The following MCF2L2 variants were observed in gnomAD, a reference collection of about 807,000 sequenced individuals.
MCF2L2 encodes probable guanine nucleotide exchange factor MCF2L2.
MCF2L2 carries 102 observed loss-of-function variants against 150.2 expected under a neutral mutation model. The observed-to-expected ratio is 0.68, with a 90% CI of 0.58 to 0.80. The LOEUF is 0.80. Among genes scored for constraint, MCF2L2 ranks in the 30% least tolerant of loss-of-function variants. The pLI, the probability that MCF2L2 is intolerant of heterozygous loss-of-function variation, is 0.00. For synonymous variants in MCF2L2, 465 were observed against 491.3 expected (o/e 0.95, Z 0.71); for missense variants, 1,256 against 1,372.8 (o/e 0.91, Z 1.34).
chr3:183,279,953 C>T (rs778617889), intron 14 of MCF2L2, among the ~76,000 whole-genome samples: 7 of 151,656 alleles, frequency 4.6e-5, no homozygotes, highest in East Asian at 1.9e-4. Flanking sequence ...CACTTGAACC[C>T]GGAGGTGGAG....
intron 5 of MCF2L2, among the ~76,000 whole-genome samples, chr3:183,330,949 T>C (rs557025541): frequency 6.6e-6 from 1 of 152,230 alleles, no homozygotes; most frequent in African/African-American, 2.4e-5. Flanking sequence ...ATTTGTGGCC[T>C]CCATGACTAG....
chr3:183,420,287 G>A (rs1015684483), intron 1 of MCF2L2, among the ~76,000 whole-genome samples: 2 of 152,058 alleles, frequency 1.3e-5, no homozygotes, highest in Admixed American at 1.3e-4. Flanking sequence ...CTCTGTATTA[G>A]TCTGTTTCCA....
chr3:183,272,164 T>C, intron 15 of MCF2L2: 1 of 1,000,332 alleles, frequency 1.0e-6, no homozygotes, highest in South Asian at 4.7e-5. Context: ...GCATGTTCCT[T>C]GTAATCAAAG....
chr3:183,396,487 A>T (rs964557476), intron 1 of MCF2L2, among the ~76,000 whole-genome samples: 1 of 152,194 alleles, frequency 6.6e-6, no homozygotes, highest in African/African-American at 2.4e-5. Context: ...TCAAAGTTTG[A>T]ACTTGTTAAA....
At position 183,257,882 on chromosome 3, in the gene MCF2L2, T is replaced by G. The variant is rs531252631; in HGVS notation, c.1862+18990A>C. On this transcript the variant is annotated intron_variant, in intron 15 of 29. Transcript: ENST00000328913. ...ATTTCCCCACTCAAGCCACAACTTTTTCTCTTATGTGCTTAAAAAAAATTC... is the reference window on the plus strand; with the variant it reads ...ATTTCCCCACTCAAGCCACAACTTTGTCTCTTATGTGCTTAAAAAAAATTC... Among the ~76,000 whole-genome samples the G allele has an allele frequency of 3.3e-4, 50 of 152,144 alleles. 1 individual carries two copies. The highest frequency in any genetic ancestry group is 6.2e-4 in the Non-Finnish European group (42 of 67,994).
intron 2 of MCF2L2, among the ~76,000 whole-genome samples, chr3:183,387,264 CAAA>C (rs112807324): frequency 1.1e-4 from 9 of 84,400 alleles, no homozygotes; most frequent in Non-Finnish European, 7.8e-5. Context: ...CACCATGTCT[CAAA>C]AAAAAAAAAA....
intron 22 of MCF2L2, among the ~76,000 whole-genome samples, chr3:183,211,333 TAAGC>T (rs1722714846): frequency 6.6e-6 from 1 of 152,144 alleles, no homozygotes; most frequent in Admixed American, 6.5e-5. Context: ...AGCTTTCCAG[TAAGC>T]CCATTATTAC....
At chr3:183,217,021 G>A (rs981176031) in intron 21 of MCF2L2, among the ~76,000 whole-genome samples, 6 of 151,304 alleles carry the variant, frequency 4.0e-5, no homozygotes, top group African/African-American at 1.5e-4. Flanking sequence ...ATGGCCGGGC[G>A]GGTGGCTCAT....
intron 20 of MCF2L2, among the ~76,000 whole-genome samples, chr3:183,223,058 G>A (rs1723202207): frequency 1.3e-5 from 2 of 152,082 alleles, no homozygotes; most frequent in Non-Finnish European, 2.9e-5. Context: ...TCACACTCTC[G>A]CTCCCAAAGA....
intron 2 of MCF2L2, among the ~76,000 whole-genome samples, chr3:183,388,662 T>C (rs73062756): frequency 0.071 from 10,738 of 152,222 alleles, 1,253 homozygotes; most frequent in African/African-American, 0.24. Context: ...TCAGTGACTA[T>C]GTGCGCAGTG....
At chr3:183,180,036 G>T in intron 28 of MCF2L2, 35 bp downstream of exon 28, 1 of 1,505,310 alleles carries the variant, frequency 6.6e-7, no homozygotes, top group South Asian at 1.1e-5. Flanking sequence ...AGGAAGGAGG[G>T]AAGAAGATGA....
intron 15 of MCF2L2, among the ~76,000 whole-genome samples, chr3:183,251,760 G>A (rs1445967073): frequency 1.3e-5 from 2 of 151,762 alleles, no homozygotes; most frequent in Non-Finnish European, 2.9e-5. Context: ...TCTCTGGGTG[G>A]GACAGGAAGC....
chr3:183,295,250 T>C (rs751747160), intron 13 of MCF2L2, 50 bp downstream of exon 13: 4 of 1,543,530 alleles, frequency 2.6e-6, no homozygotes, highest in Non-Finnish European at 3.5e-6. Flanking sequence ...GTCCTCATGG[T>C]GCTGATGAAA....
At position 183,179,367 on chromosome 3, in the gene MCF2L2, G is replaced by C. The variant is rs1198756744; in HGVS notation, c.*13C>G. 1 of 1,441,248 alleles carries C rather than the reference G, an allele frequency of 6.9e-7. No individual in the cohort carries two copies. The highest frequency in any genetic ancestry group is 1.5e-5 in the African/African-American group (1 of 67,408). 89.3% of individuals were successfully genotyped at this position (1,441,248 alleles called of 1,614,324 possible). ...CGCTCTGGAGCCGAGGAGCGGGGGC[G>C]TCCGCAGGGAGGTCAGCTCTCCTGG... On this transcript the variant is annotated 3_prime_UTR_variant, in exon 30 of 30. Transcript: ENST00000328913. The surrounding 1 kb of genome is among the most constrained non-coding windows in gnomAD (Gnocchi z 4.2).
rs80324258 is a variant in MCF2L2 at position 183,328,520 on chromosome 3, GA to G, written c.487-5170del. ...AGACAGTTGGAGAACTGCTTGGTGTGAAAAAAAAAAAAAAGCAGCCTACACA... is the reference window on the plus strand; with the variant it reads ...AGACAGTTGGAGAACTGCTTGGTGTGAAAAAAAAAAAAAGCAGCCTACACA... On this transcript the variant is annotated intron_variant, in intron 5 of 29. Coordinates refer to ENST00000328913, the MANE Select transcript of MCF2L2 (RefSeq NM_015078.4). Among the ~76,000 whole-genome samples the G allele has an allele frequency of 2.8e-3, 379 of 135,928 alleles. 2 individuals carry two copies. Among genetic ancestry groups the G allele is most frequent in the Middle Eastern group, 0.015 (4 of 268 alleles). 89.2% of individuals were successfully genotyped at this position (135,928 alleles called of 152,430 possible).
chr3:183,318,043 C>T lies in MCF2L2; in HGVS notation c.753+25G>A, dbSNP rs751393793. ...CATACCTGCTGGCACAGACACTGGC[C>T]TCTGAGAGGTCACTGACCGCTCACC... On this transcript the variant is annotated intron_variant, in intron 7 of 29. Transcript: ENST00000328913. The T allele has an allele frequency of 1.9e-6, 3 of 1,610,310 alleles. No individual in the cohort carries two copies. The East Asian group carries it at 6.7e-5, about 36-fold the overall frequency.
chr3:183,314,133 A>AAAATAAGGTTTC (rs1553779428), intron 7 of MCF2L2, among the ~76,000 whole-genome samples: 1 of 152,188 alleles, frequency 6.6e-6, no homozygotes, highest in Non-Finnish European at 1.5e-5. Context: ...AATCACAGAG[A>AAAATAAGGTTTC]AAATAAGGTT....
At chr3:183,311,302 C>T (rs1415223769) in intron 8 of MCF2L2, among the ~76,000 whole-genome samples, 2 of 151,924 alleles carry the variant, frequency 1.3e-5, no homozygotes, top group Non-Finnish European at 2.9e-5. Flanking sequence ...ATCTTACCTT[C>T]ATGCCTTCTT....
intron 10 of MCF2L2, 87 bp from the exon 11 acceptor site, chr3:183,300,283 G>C: frequency 4.9e-6 from 6 of 1,218,648 alleles, no homozygotes; most frequent in Non-Finnish European, 6.7e-6. Flanking sequence ...TCCAAGCCTG[G>C]AGGGAGGCTG....
Sources: allele counts gnomAD v4.1 joint callset (sites outside exome capture counted in the v4.1 genomes callset), GRCh38; gene constraint gnomAD v4.1.1; non-coding constraint Gnocchi (gnomAD v3.1); transcripts MANE v1.5; gene names NCBI Gene and HGNC (gene_info 2026-07-23, HGNC 2026-07-21).